BBS9: variants seen among roughly 807,000 people sequenced by gnomAD.
BBS9 encodes Bardet-Biedl syndrome 9.
Under a neutral mutation model 117.7 loss-of-function variants are expected in BBS9, and 89 were observed. That is an observed-to-expected ratio of 0.76 (90% CI 0.64 to 0.90). The LOEUF is 0.90. Ranked by LOEUF, BBS9 falls within the 40% of genes least tolerant of loss-of-function variation. The probability of loss-of-function intolerance (pLI) is 0.00; values close to 1 mark genes in which losing one functional copy is unlikely to be tolerated. For missense variants in BBS9, 982 were observed against 1,042.2 expected (o/e 0.94, Z 0.80); for synonymous variants, 379 against 370.9 (o/e 1.02, Z -0.25).
chr7:33,403,570 G>A (rs1563125476), intron 19 of BBS9, among the ~76,000 whole-genome samples: 1 of 147,694 alleles, frequency 6.8e-6, no homozygotes, highest in Non-Finnish European at 1.5e-5. Flanking sequence ...GTGGTGTTTG[G>A]TTTTTTGTCC....
At chr7:33,384,051 A>G (rs1005895953) in intron 18 of BBS9, among the ~76,000 whole-genome samples, 15 of 152,200 alleles carry the variant, frequency 9.9e-5, no homozygotes, top group African/African-American at 3.6e-4. Flanking sequence ...GGAGCTAACC[A>G]TGTCGTCTGG....
At position 33,553,335 on chromosome 7, in the gene BBS9, T is replaced by C. The variant is rs573087162; in HGVS notation, c.2521+19159T>C. 3.3e-5 allele frequency among the ~76,000 whole-genome samples: 5 copies of C among 152,346 alleles called. No individual in the cohort carries two copies. The South Asian group carries it at 1.0e-3, about 32-fold the overall frequency. On this transcript the variant is annotated intron_variant, in intron 21 of 22. Coordinates refer to ENST00000242067, the MANE Select transcript of BBS9 (RefSeq NM_198428.3). Reference sequence around the variant, plus strand: ...TTAGCTACTATGGTATAGCTTAGTGTCTGCCATGTAATGGGTGTCCCAAGG... The same window carrying C: ...TTAGCTACTATGGTATAGCTTAGTGCCTGCCATGTAATGGGTGTCCCAAGG...
Position 33,386,146 on chromosome 7 carries a change from TAAAAA to T in BBS9, c.1963-1845_1963-1841del, listed in dbSNP as rs1366403603. On this transcript the variant is annotated intron_variant, in intron 18 of 22. Coordinates refer to ENST00000242067, the MANE Select transcript of BBS9 (RefSeq NM_198428.3). ...AAAGTATAATAAAAAAATAAAAAAA[TAAAAA>T]GAAGAAAATGTCTCTCAAAACTGAA... is the stretch of plus-strand genomic sequence containing the variant. 2.0e-5 allele frequency among the ~76,000 whole-genome samples: 3 copies of T among 151,808 alleles called. No individual in the cohort carries two copies. The East Asian group carries it at 5.8e-4, about 30-fold the overall frequency.
intron 9 of BBS9, among the ~76,000 whole-genome samples, chr7:33,327,450 A>G (rs1324997066): frequency 6.6e-6 from 1 of 152,194 alleles, no homozygotes; most frequent in Non-Finnish European, 1.5e-5. Flanking sequence ...CTATATTCCC[A>G]GTGCTTTGGG....
At chr7:33,486,656 C>G (rs59266363) in intron 19 of BBS9, among the ~76,000 whole-genome samples, 1 of 152,280 alleles carries the variant, frequency 6.6e-6, no homozygotes, top group East Asian at 1.9e-4. Flanking sequence ...AACTCCTATT[C>G]TTTCCTGACC....
chr7:33,394,510 T>C (rs1584639393), intron 19 of BBS9, among the ~76,000 whole-genome samples: 1 of 152,124 alleles, frequency 6.6e-6, no homozygotes, highest in Non-Finnish European at 1.5e-5. Context: ...GACACAAGTT[T>C]ACCTATGTAA....
intron 5 of BBS9, among the ~76,000 whole-genome samples, chr7:33,240,260 CTTT>C (rs5883390): frequency 3.7e-4 from 51 of 139,322 alleles, no homozygotes; most frequent in Admixed American, 5.0e-4. Flanking sequence ...CTTCATTGTT[CTTT>C]TTTTTTTTTT....
chr7:33,374,849 C>T (rs535169459), intron 17 of BBS9, among the ~76,000 whole-genome samples: 9 of 140,810 alleles, frequency 6.4e-5, no homozygotes, highest in African/African-American at 1.1e-4. Flanking sequence ...TGCAGTGAGC[C>T]GAGGTCATGC....
At chr7:33,448,011 AC>A (rs1837244967) in intron 19 of BBS9, among the ~76,000 whole-genome samples, 1 of 152,088 alleles carries the variant, frequency 6.6e-6, no homozygotes, top group Non-Finnish European at 1.5e-5. Flanking sequence ...AAACAAAAAC[AC>A]CCAATCTATT....
chr7:33,248,432 T>C (rs1002771445), intron 5 of BBS9, among the ~76,000 whole-genome samples: 3 of 152,206 alleles, frequency 2.0e-5, no homozygotes, highest in Non-Finnish European at 4.4e-5. Context: ...TATTCTTTCA[T>C]CTAATTACCA....
intron 20 of BBS9, among the ~76,000 whole-genome samples, chr7:33,519,424 C>A (rs1253018503): frequency 6.6e-6 from 1 of 152,168 alleles, no homozygotes; most frequent in Admixed American, 6.6e-5. Flanking sequence ...ACTTCAGATT[C>A]ATTAGAATCA....
At chr7:33,511,309 AG>A (rs904349423) in intron 20 of BBS9, among the ~76,000 whole-genome samples, 6 of 152,178 alleles carry the variant, frequency 3.9e-5, no homozygotes, top group African/African-American at 1.2e-4. Flanking sequence ...CAAGAGAACA[AG>A]AAGGAGCAGT....
At chr7:33,525,235 G>C (rs1849301875) in intron 20 of BBS9, among the ~76,000 whole-genome samples, 1 of 149,724 alleles carries the variant, frequency 6.7e-6, no homozygotes, top group Non-Finnish European at 1.5e-5. Context: ...TTGATTTGGG[G>C]TGGAGAGTTC....
chr7:33,590,776 C>T (rs1299097023), intron 21 of BBS9, among the ~76,000 whole-genome samples: 2 of 151,818 alleles, frequency 1.3e-5, no homozygotes, highest in Non-Finnish European at 2.9e-5. Flanking sequence ...TTACAATACC[C>T]TATGAACTAG....
At chr7:33,179,970 C>G (rs1265445208) in intron 5 of BBS9, among the ~76,000 whole-genome samples, 1 of 152,146 alleles carries the variant, frequency 6.6e-6, no homozygotes, top group East Asian at 1.9e-4. Flanking sequence ...CAGTAAATAG[C>G]CTTTTCCACC....
intron 7 of BBS9, among the ~76,000 whole-genome samples, chr7:33,266,366 T>G (rs774705272): frequency 1.3e-5 from 2 of 152,228 alleles, no homozygotes; most frequent in Non-Finnish European, 2.9e-5. Context: ...GGAAGTCATT[T>G]AATAGCTTCC....
intron 16 of BBS9, among the ~76,000 whole-genome samples, chr7:33,364,327 T>C (rs1821234526): frequency 6.6e-6 from 1 of 152,200 alleles, no homozygotes; most frequent in African/African-American, 2.4e-5. Flanking sequence ...AATTGATTTG[T>C]AATTTAGTTT....
chr7:33,302,140 A>G (rs867390743), intron 9 of BBS9, among the ~76,000 whole-genome samples: 1 of 151,962 alleles, frequency 6.6e-6, no homozygotes, highest in African/African-American at 2.4e-5. Context: ...TTTTTTTCCT[A>G]TGGAGTTGTT....
chr7:33,287,677 C>A (rs555382358), intron 9 of BBS9, among the ~76,000 whole-genome samples: 2 of 152,142 alleles, frequency 1.3e-5, no homozygotes, highest in Non-Finnish European at 1.5e-5. Context: ...CCCTAAAGTG[C>A]AGTTTACTAT....
Sources: gnomAD v4.1 joint callset for allele counts (sites outside exome capture counted in the v4.1 genomes callset) on GRCh38, gnomAD v4.1.1 for gene constraint, MANE v1.5 for transcripts, NCBI Gene and HGNC (gene_info 2026-07-23, HGNC 2026-07-21) for gene names.